The following ANKRD13B variants were observed in gnomAD, a reference collection of about 807,000 sequenced individuals.
ANKRD13B encodes the protein ankyrin repeat domain 13B, also known as ankyrin repeat domain-containing protein 13B.
A neutral mutation model predicts 74.4 loss-of-function variants in ANKRD13B; 33 were observed. That is an observed-to-expected ratio of 0.44 (90% CI 0.34 to 0.59). The LOEUF (loss-of-function observed/expected upper bound fraction) is 0.59. Ranked by LOEUF, ANKRD13B falls within the 20% of genes least tolerant of loss-of-function variation. The pLI is 0.02. For missense variants in ANKRD13B, 676 were observed against 877.9 expected, an observed-to-expected ratio of 0.77 and a Z score of 2.91; for synonymous variants, 341 against 362.9, an observed-to-expected ratio of 0.94 and a Z score of 0.68.
intron 1 of ANKRD13B, among the ~76,000 whole-genome samples, chr17:29,599,962 C>T (rs1177612684): frequency 6.1e-5 from 9 of 146,750 alleles, no homozygotes; most frequent in Non-Finnish European, 1.0e-4. Context: ...CTGCAAGCTC[C>T]GCCTCCCGGG....
intron 1 of ANKRD13B, 49 bp from the exon 2 acceptor site, chr17:29,607,691 CTG>C: frequency 6.4e-7 from 1 of 1,557,668 alleles, no homozygotes; most frequent in East Asian, 2.3e-5. Context: ...CTCCGGAGGG[CTG>C]CCTCCGACGT....
intron 1 of ANKRD13B, among the ~76,000 whole-genome samples, chr17:29,594,342 T>G (rs568299266): frequency 6.6e-6 from 1 of 152,172 alleles, no homozygotes; most frequent in Non-Finnish European, 1.5e-5. Flanking sequence ...TCTCCTGCCC[T>G]CTGGTGCTGG....
At position 29,607,729 on chromosome 17, in the gene ANKRD13B, C is replaced by T; in HGVS notation, c.115-13C>T. 1 of 1,593,068 alleles carries T rather than the reference C, an allele frequency of 6.3e-7. No homozygotes were observed. The highest frequency in any genetic ancestry group is 8.5e-7 in the Non-Finnish European group (1 of 1,176,446). On this transcript the variant is annotated splice_polypyrimidine_tract_variant and intron_variant, in intron 1 of 14. Transcript: ENST00000394859. ...GACTGGGGCTTTATCTTCCACTCCT[C>T]CTCCTCCTCCAGGTGGACATCGAGC...
At position 29,613,824 on chromosome 17, in the gene ANKRD13B, T is replaced by G; in HGVS notation, c.*242T>G. 7.0e-6 allele frequency: 4 copies of G among 568,438 alleles called. No homozygotes were observed. Among genetic ancestry groups the G allele is most frequent in the Non-Finnish European group, 1.1e-5 (4 of 350,620 alleles). 35.2% of individuals were successfully genotyped at this position (568,438 alleles called of 1,614,324 possible). A position where few individuals can be genotyped will look rare whatever the true frequency, so the allele number is the denominator to read the frequency against. On this transcript the variant is annotated 3_prime_UTR_variant, in exon 15 of 15. Transcript: ENST00000394859. The stretch of plus-strand genomic sequence containing the variant: ...GTCCCCCTGCTTTGCTGTATTCTGA[T>G]TCCCCAACCCGCTCCCCTGGGCTCA...
intron 1 of ANKRD13B, among the ~76,000 whole-genome samples, chr17:29,605,415 A>AAC (rs35418248): frequency 0.014 from 2,079 of 149,590 alleles, 25 homozygotes; most frequent in Non-Finnish European, 0.02. Flanking sequence ...TACACACACA[A>AAC]ACACACACAC....
intron 1 of ANKRD13B, among the ~76,000 whole-genome samples, chr17:29,601,709 G>A (rs2034185739): frequency 6.6e-6 from 1 of 150,624 alleles, no homozygotes; most frequent in Non-Finnish European, 1.5e-5. Flanking sequence ...CAGTTTTGAA[G>A]AATATTTTCA....
chr17:29,599,963 G>A (rs375840069), intron 1 of ANKRD13B, among the ~76,000 whole-genome samples: 32 of 126,468 alleles, frequency 2.5e-4, no homozygotes, highest in African/African-American at 9.3e-4. Flanking sequence ...TGCAAGCTCC[G>A]CCTCCCGGGT....
At chr17:29,602,221 CCGT>C (rs1009987047) in intron 1 of ANKRD13B, among the ~76,000 whole-genome samples, 1 of 151,970 alleles carries the variant, frequency 6.6e-6, no homozygotes, top group Non-Finnish European at 1.5e-5. Flanking sequence ...CGGTGAAACC[CCGT>C]CTCTACTAAA....
At position 29,611,077 on chromosome 17, in the gene ANKRD13B, G is replaced by A. The variant is rs576186589; in HGVS notation, c.904+311G>A. ...ATTTATTGGCCATTCTAGTCTAGTG[G>A]GACATATCCTAGGTAGAAAGTCAGG... On this transcript the variant is annotated intron_variant, in intron 8 of 14. Coordinates refer to ENST00000394859, the MANE Select transcript of ANKRD13B (RefSeq NM_152345.5). The surrounding 1 kb of genome is among the most constrained non-coding windows in gnomAD (Gnocchi z 4.3). 1.3e-5 allele frequency among the ~76,000 whole-genome samples: 2 copies of A among 152,096 alleles called. No homozygotes were observed. The highest frequency in any genetic ancestry group is 2.9e-5 in the Non-Finnish European group (2 of 68,030).
intron 1 of ANKRD13B, among the ~76,000 whole-genome samples, chr17:29,601,949 T>G (rs2034194142): frequency 1.3e-5 from 2 of 152,258 alleles, no homozygotes; most frequent in Non-Finnish European, 2.9e-5. Context: ...AGGATTTTCT[T>G]TTTACCACTA....
At chr17:29,599,806 G>A (rs903764966) in intron 1 of ANKRD13B, among the ~76,000 whole-genome samples, 4 of 142,928 alleles carry the variant, frequency 2.8e-5, no homozygotes, top group Admixed American at 7.0e-5. Context: ...TTCCCCCAAA[G>A]AGTTTTCTTT....
rs769448371 is a variant in ANKRD13B, at chr17:29,612,909, C to A, written c.1598C>A (p.Thr533Asn). 2 of 1,598,712 alleles carry A rather than the reference C, an allele frequency of 1.3e-6. No individual in the cohort carries two copies. Among genetic ancestry groups the A allele is most frequent in the Non-Finnish European group, 1.7e-6 (2 of 1,179,736 alleles). ...YDQVTIWEALTNSKPGTHPMS... is the reference protein window; with the variant it reads ...YDQVTIWEALNNSKPGTHPMS... Reference sequence around the variant, plus strand: ...CAGGTCACCATCTGGGAGGCGCTAACCAACAGCAAGCCAGGCACCCACCCC... The same window carrying A: ...CAGGTCACCATCTGGGAGGCGCTAAACAACAGCAAGCCAGGCACCCACCCC... The change falls in exon 14 of 15, where the codon ACC becomes AAC. Residue 533 changes from threonine to asparagine, a missense_variant. Thr to Asn is a moderately conservative substitution (Grantham distance 65, BLOSUM62 0). This residue lies in a region of ANKRD13B where 152 missense variants were observed against 181.4 expected (regional missense o/e 0.84). Transcript: ENST00000394859. The surrounding 1 kb of genome is among the most constrained non-coding windows in gnomAD (Gnocchi z 6.1).
chr17:29,613,506 A>C lies in ANKRD13B; in HGVS notation c.1805A>C (p.Glu602Ala). ...ATGGAACTGTCGGCGCAGGAGCAGG[A>C]GGAGAGGCGGCGGCGCGCGCGCCAG... ...LAMELSAQEQ[E>A]ERRRRARQEE... The change falls in exon 15 of 15, where the codon GAG becomes GCG. Residue 602 changes from glutamate to alanine, a missense_variant. Physicochemically the swap from Glu to Ala is moderately radical, Grantham distance 107 (BLOSUM62 -1). Coordinates refer to ENST00000394859, the MANE Select transcript of ANKRD13B (RefSeq NM_152345.5). The C allele has an allele frequency of 6.5e-7, 1 of 1,530,842 alleles. No homozygotes were observed. The highest frequency in any genetic ancestry group is 1.2e-5 in the South Asian group (1 of 81,776). The allele number at this position is 1,530,842 out of a possible 1,614,324, so 94.8% of individuals were successfully genotyped here. A position where few individuals can be genotyped will look rare whatever the true frequency, so the allele number is the denominator to read the frequency against.
intron 1 of ANKRD13B, among the ~76,000 whole-genome samples, chr17:29,602,430 C>T (rs1056900208): frequency 2.6e-5 from 4 of 151,308 alleles, no homozygotes; most frequent in East Asian, 1.9e-4. Context: ...TGTCACAGTT[C>T]GGGAGACATA....
intron 1 of ANKRD13B, among the ~76,000 whole-genome samples, chr17:29,594,973 C>T (rs2150868629): frequency 6.6e-6 from 1 of 152,348 alleles, no homozygotes; most frequent in East Asian, 1.9e-4. Context: ...CTCTGCATGG[C>T]AGTCCCTGTA....
intron 1 of ANKRD13B, among the ~76,000 whole-genome samples, chr17:29,603,476 GT>G (rs2150885996): frequency 6.6e-6 from 1 of 151,788 alleles, no homozygotes; most frequent in African/African-American, 2.4e-5. Flanking sequence ...GCCTGGGCTG[GT>G]CTTAAACTCC....
In ANKRD13B at chr17:29,612,743, G is replaced by GGACGAC; in HGVS notation, c.1513_1518dup (p.Asp505_Asp506dup). The GGACGAC allele has an allele frequency of 1.2e-6, 2 of 1,601,884 alleles. No individual in the cohort carries two copies. Among genetic ancestry groups the GGACGAC allele is most frequent in the Non-Finnish European group, 1.7e-6 (2 of 1,178,810 alleles). Reference sequence around the variant, plus strand: ...GCGGCCAGCGGGAGGCGGCGACCCGGGACGACGACGACGACCTGCTGCAAT... The same window carrying GGACGAC: ...GCGGCCAGCGGGAGGCGGCGACCCGGGACGACGACGACGACGACGACCTGCTGCAAT... On this transcript the variant is annotated inframe_insertion, in exon 13 of 15. Transcript: ENST00000394859. This position sits in a 1 kb window ranked among gnomAD's most constrained non-coding sequence, Gnocchi z 6.1.
rs2034598029 is a variant in ANKRD13B, at chr17:29,612,056, ATGC to A, written c.1100+53_1100+55del. The A allele has an allele frequency of 8.7e-6, 14 of 1,605,968 alleles. No homozygotes were observed. The highest frequency in any genetic ancestry group is 1.2e-5 in the Non-Finnish European group (14 of 1,175,226). On this transcript the variant is annotated intron_variant, in intron 10 of 14. Transcript: ENST00000394859. This position sits in a 1 kb window ranked among gnomAD's most constrained non-coding sequence, Gnocchi z 6.1. ...AGGTGGGGGGCCGGGGCTCCAGGAGATGCTGGGAGGCCATGGCTTCCTGCAGTG... is the reference window on the plus strand; with the variant it reads ...AGGTGGGGGGCCGGGGCTCCAGGAGATGGGAGGCCATGGCTTCCTGCAGTG...
rs914233920 is a variant in ANKRD13B at position 29,608,839 on chromosome 17, C to T, written c.422-12C>T. On this transcript the variant is annotated splice_polypyrimidine_tract_variant and intron_variant, in intron 4 of 14. Transcript: ENST00000394859. This position sits in a 1 kb window ranked among gnomAD's most constrained non-coding sequence, Gnocchi z 6.4. ...ACCAGTCAAAGCCACCTCCAACCTC[C>T]GCTTCCACCAGTGCCCCTGGTGTCC... 1.7e-5 allele frequency: 28 copies of T among 1,614,018 alleles called. No individual in the cohort carries two copies. The highest frequency in any genetic ancestry group is 1.6e-4 in the Middle Eastern group (1 of 6,062).
Sources: gnomAD v4.1 joint callset for allele counts (sites outside exome capture counted in the v4.1 genomes callset) on GRCh38, gnomAD v4.1.1 for gene constraint, gnomAD v4.1.1 regional missense constraint, Gnocchi (gnomAD v3.1) non-coding constraint, MANE v1.5 for transcripts, NCBI Gene and HGNC (gene_info 2026-07-23, HGNC 2026-07-21) for gene names.